The following GALNT8 variants were observed in gnomAD, a reference collection of about 807,000 sequenced individuals.
GALNT8 encodes probable polypeptide N-acetylgalactosaminyltransferase 8.
Under a neutral mutation model 62.7 loss-of-function variants are expected in GALNT8, and 66 were observed. The ratio of observed to expected loss-of-function variants is 1.05; its 90% CI spans 0.86 to 1.29. GALNT8 has a LOEUF of 1.29. Ranked by LOEUF, GALNT8 falls within the 50% of genes most tolerant of loss-of-function variation. The pLI, the probability that GALNT8 is intolerant of heterozygous loss-of-function variation, is 0.00. For missense variants in GALNT8, 771 were observed against 791.8 expected, an observed-to-expected ratio of 0.97 and a Z score of 0.32; for synonymous variants, 288 against 294.3, an observed-to-expected ratio of 0.98 and a Z score of 0.22.
intron 2 of GALNT8, 106 bp from the exon 3 acceptor site, chr12:4,739,057 G>A: frequency 1.7e-6 from 1 of 604,286 alleles, no homozygotes; most frequent in South Asian, 3.3e-5. Context: ...TTTGAGGGGT[G>A]GATGAATTGG....
Position 4,768,334 on chromosome 12 carries a change from G to A in GALNT8, c.1761+2788G>A, listed in dbSNP as rs1455413821. ...ATAGCTATACTTTATCCTAAACCTC[G>A]TAAGAATTAAAGATACAATGTATTC... On this transcript the variant is annotated intron_variant, in intron 10 of 10. Transcript: ENST00000252318. 16 of 278,546 alleles carry A rather than the reference G, an allele frequency of 5.7e-5. No individual in the cohort carries two copies. In the South Asian group the frequency reaches 6.0e-4, roughly 10 times the overall value. 17.3% of individuals were successfully genotyped at this position (278,546 alleles called of 1,614,324 possible). A position where few individuals can be genotyped will look rare whatever the true frequency, so the allele number is the denominator to read the frequency against.
rs540886118 is a variant in GALNT8 at position 4,742,401 on chromosome 12, C to T, written c.677-2116C>T. Among the ~76,000 whole-genome samples the T allele has an allele frequency of 2.0e-5, 3 of 152,288 alleles. No individual in the cohort carries two copies. In the South Asian group the frequency reaches 6.2e-4, roughly 32 times the overall value. On this transcript the variant is annotated intron_variant, in intron 3 of 10. Coordinates refer to ENST00000252318, the MANE Select transcript of GALNT8 (RefSeq NM_017417.2). ...AGGTAGGTGGAATGCTGTATTTTCT[C>T]CCTAATTTTAGGAAAATTTCACAAT...
Position 4,750,778 on chromosome 12 carries a change from A to C in GALNT8, c.1173+4520A>C, listed in dbSNP as rs193009792. On this transcript the variant is annotated intron_variant, in intron 6 of 10. Coordinates refer to ENST00000252318, the MANE Select transcript of GALNT8 (RefSeq NM_017417.2). Reference sequence around the variant, plus strand: ...CCTTCTACAATGGCTGAACTAATTCACACTCCCATCAACAGTGTACAAGCA... The same window carrying C: ...CCTTCTACAATGGCTGAACTAATTCCCACTCCCATCAACAGTGTACAAGCA... Among the ~76,000 whole-genome samples, 8 of 152,288 alleles carry C rather than the reference A, an allele frequency of 5.3e-5. No homozygotes were observed. The East Asian group carries it at 1.5e-3, about 29-fold the overall frequency.
intron 5 of GALNT8, 39 bp downstream of exon 5, chr12:4,745,665 G>A (rs373727211): frequency 6.7e-5 from 97 of 1,445,568 alleles, no homozygotes; most frequent in Non-Finnish European, 8.8e-5. Context: ...AGTAGCATGT[G>A]GGAAGGCAGG....
intron 2 of GALNT8, among the ~76,000 whole-genome samples, chr12:4,734,842 G>A (rs1946237587): frequency 1.3e-5 from 2 of 151,998 alleles, no homozygotes; most frequent in Admixed American, 6.5e-5. Flanking sequence ...GTGCTTTTTT[G>A]TGTCCCTGGC....
At chr12:4,765,626 G>A in intron 10 of GALNT8, 80 bp downstream of exon 10, 1 of 1,110,754 alleles carries the variant, frequency 9.0e-7, no homozygotes, top group South Asian at 1.5e-5. Context: ...CTGCAGCCCA[G>A]GCTAGAGTGC....
At chr12:4,757,437 C>T (rs1336382784) in intron 6 of GALNT8, among the ~76,000 whole-genome samples, 1 of 152,202 alleles carries the variant, frequency 6.6e-6, no homozygotes, top group African/African-American at 2.4e-5. Flanking sequence ...ATTAATTTCT[C>T]TTTCCTATAA....
In GALNT8 at chr12:4,765,536, A is replaced by G; in HGVS notation, c.1751A>G (p.Asp584Gly). The change falls in exon 10 of 11, where the codon GAT becomes GGT. Residue 584 changes from aspartate to glycine, a missense_variant. By Grantham distance (94) the Asp-to-Gly change is moderately conservative. Coordinates refer to ENST00000252318, the MANE Select transcript of GALNT8 (RefSeq NM_017417.2). ...AAKNRLHIYW[D>G]FKPGGAVINR... Reference sequence around the variant, plus strand: ...AAGAATAGACTGCATATATATTGGGATTTTAAACCGGTGAGTTATGTGTTT... The same window carrying G: ...AAGAATAGACTGCATATATATTGGGGTTTTAAACCGGTGAGTTATGTGTTT... 2.5e-6 allele frequency: 4 copies of G among 1,598,904 alleles called. No homozygotes were observed. Among genetic ancestry groups the G allele is most frequent in the African/African-American group, 1.4e-5 (1 of 73,922 alleles).
rs1946312799 is a variant in GALNT8 at position 4,749,234 on chromosome 12, A to G, written c.1173+2976A>G. 6.6e-6 allele frequency among the ~76,000 whole-genome samples: 1 copy of G among 152,174 alleles called. No homozygotes were observed. Among genetic ancestry groups the G allele is most frequent in the South Asian group, 2.1e-4 (1 of 4,830 alleles). Reference sequence around the variant, plus strand: ...TCTAATTGCTCTAGCTAGGACTTCCAGTAGTACACTGAATAACAGTGGTGA... The same window carrying G: ...TCTAATTGCTCTAGCTAGGACTTCCGGTAGTACACTGAATAACAGTGGTGA... On this transcript the variant is annotated intron_variant, in intron 6 of 10. Coordinates refer to ENST00000252318, the MANE Select transcript of GALNT8 (RefSeq NM_017417.2). This position sits in a 1 kb window ranked among gnomAD's most constrained non-coding sequence, Gnocchi z 4.1.
chr12:4,748,435 A>G (rs1946309542), intron 6 of GALNT8, among the ~76,000 whole-genome samples: 1 of 152,234 alleles, frequency 6.6e-6, no homozygotes, highest in African/African-American at 2.4e-5. Context: ...ATTCTTCTGC[A>G]TATGAATATC....
chr12:4,764,526 G>T (rs1386149785), intron 9 of GALNT8, among the ~76,000 whole-genome samples: 1 of 55,232 alleles, frequency 1.8e-5, no homozygotes, highest in Admixed American at 2.4e-4. Context: ...GGTGCAGTCA[G>T]GGGATTTTTT....
At chr12:4,769,757 C>T (rs1190522365) in intron 10 of GALNT8, among the ~76,000 whole-genome samples, 1 of 151,932 alleles carries the variant, frequency 6.6e-6, no homozygotes, top group African/African-American at 2.4e-5. Flanking sequence ...CAATCATCCC[C>T]TCCCCTGAAA....
chr12:4,771,970 G>A (rs140187883), intron 10 of GALNT8, among the ~76,000 whole-genome samples: 14 of 152,288 alleles, frequency 9.2e-5, no homozygotes, highest in Admixed American at 5.2e-4. Flanking sequence ...TAGGAGAGGC[G>A]GGAAGCTGCC....
rs114053834 is a variant in GALNT8 at position 4,737,237 on chromosome 12, T to C, written c.510-1926T>C. Reference sequence around the variant, plus strand: ...GCAGGGCAAACTGCTTCCCCCAAAATTGGAGAGACAGACAGGTGGATACAG... The same window carrying C: ...GCAGGGCAAACTGCTTCCCCCAAAACTGGAGAGACAGACAGGTGGATACAG... On this transcript the variant is annotated intron_variant, in intron 2 of 10. Transcript: ENST00000252318. Among the ~76,000 whole-genome samples the C allele has an allele frequency of 6.8e-3, 1,031 of 152,240 alleles. 14 individuals carry two copies. The highest frequency in any genetic ancestry group is 0.024 in the African/African-American group (986 of 41,542).
intron 2 of GALNT8, among the ~76,000 whole-genome samples, chr12:4,733,808 C>T (rs1342444934): frequency 1.3e-5 from 2 of 152,198 alleles, no homozygotes; most frequent in Non-Finnish European, 2.9e-5. Flanking sequence ...ATGGCAGTGA[C>T]TCCCGAATCC....
At position 4,733,510 on chromosome 12, in the gene GALNT8, A is replaced by G. The variant is rs185604608; in HGVS notation, c.510-5653A>G. Among the ~76,000 whole-genome samples, 1,012 of 152,352 alleles carry G rather than the reference A, an allele frequency of 6.6e-3. 7 individuals carry two copies. Among genetic ancestry groups the G allele is most frequent in the Middle Eastern group, 0.014 (4 of 294 alleles). The stretch of plus-strand genomic sequence containing the variant: ...GGCAGAGGAGAGAAAATCTGAAGTC[A>G]CTGATGTGATTATGTGGATTAGAGG... On this transcript the variant is annotated intron_variant, in intron 2 of 10. Coordinates refer to ENST00000252318, the MANE Select transcript of GALNT8 (RefSeq NM_017417.2).
rs1946380941 is a variant in GALNT8, at chr12:4,763,290, T to C, written c.1397T>C (p.Met466Thr). The change falls in exon 8 of 11, where the codon ATG (methionine) becomes ACG (threonine). Residue 466 changes from methionine to threonine, a missense_variant. Physicochemically the swap from Met to Thr is moderately conservative, Grantham distance 81 (BLOSUM62 -1). Transcript: ENST00000252318. ...GIDFGDVSSR[M>T]ALREKLKCKT... ...GATTTTGGAGACGTTTCTTCCAGAA[T>C]GGCACTCCGGGAAAAACTGAAATGT... is the stretch of plus-strand genomic sequence containing the variant. The C allele has an allele frequency of 6.2e-7, 1 of 1,612,004 alleles. No homozygotes were observed. Among genetic ancestry groups the C allele is most frequent in the Non-Finnish European group, 8.5e-7 (1 of 1,178,098 alleles).
chr12:4,721,514 G>C (rs1453196493), intron 1 of GALNT8, among the ~76,000 whole-genome samples: 1 of 152,172 alleles, frequency 6.6e-6, no homozygotes, highest in Non-Finnish European at 1.5e-5. Flanking sequence ...CTGCATCATA[G>C]ACAAGGTAAA....
intron 6 of GALNT8, among the ~76,000 whole-genome samples, chr12:4,755,946 C>T (rs1327052659): frequency 2.0e-5 from 3 of 152,146 alleles, no homozygotes; most frequent in Non-Finnish European, 4.4e-5. Context: ...GGGATAGCAG[C>T]TACCTAGGAC....
Sources: allele counts gnomAD v4.1 joint callset (sites outside exome capture counted in the v4.1 genomes callset), GRCh38; gene constraint gnomAD v4.1.1; non-coding constraint Gnocchi (gnomAD v3.1); transcripts MANE v1.5; gene names NCBI Gene and HGNC (gene_info 2026-07-23, HGNC 2026-07-21).